The following TTC39C variants were observed in gnomAD, a reference collection of about 807,000 sequenced individuals.
TTC39C encodes the protein tetratricopeptide repeat domain 39C.
Under a neutral mutation model 76.3 loss-of-function variants are expected in TTC39C, and 33 were observed. That is an observed-to-expected ratio of 0.43 (90% CI 0.33 to 0.58). The LOEUF is 0.58. Among genes scored for constraint, TTC39C ranks in the 20% least tolerant of loss-of-function variants. The probability of loss-of-function intolerance (pLI) is 0.04; values close to 1 mark genes in which losing one functional copy is unlikely to be tolerated. For synonymous variants in TTC39C, 254 were observed against 260.6 expected (o/e 0.97, Z 0.24); for missense variants, 595 against 701.4 (o/e 0.85, Z 1.71).
intron 6 of TTC39C, among the ~76,000 whole-genome samples, chr18:24,107,449 G>A (rs1436221129): frequency 1.3e-5 from 2 of 152,176 alleles, no homozygotes; most frequent in African/African-American, 4.8e-5. Flanking sequence ...TAGTCCCCAT[G>A]TGTCATGGGA....
chr18:24,080,299 T>C (rs2084360797), intron 4 of TTC39C, among the ~76,000 whole-genome samples: 1 of 152,190 alleles, frequency 6.6e-6, no homozygotes, highest in Non-Finnish European at 1.5e-5. Flanking sequence ...ATTCATTCGA[T>C]GTATATTACA....
intron 6 of TTC39C, among the ~76,000 whole-genome samples, chr18:24,084,281 C>G (rs777342711): frequency 2.2e-4 from 33 of 151,796 alleles, no homozygotes; most frequent in Non-Finnish European, 4.0e-4. Flanking sequence ...GTCAGGAGTT[C>G]GAGACCAGCC....
At chr18:24,078,199 T>C (rs536836622) in intron 4 of TTC39C, among the ~76,000 whole-genome samples, 1 of 152,364 alleles carries the variant, frequency 6.6e-6, no homozygotes, top group South Asian at 2.1e-4. Flanking sequence ...AGGTAGACTA[T>C]AGGACATTAA....
intron 1 of TTC39C, among the ~76,000 whole-genome samples, chr18:24,058,622 T>A (rs1031273035): frequency 6.6e-6 from 1 of 152,090 alleles, no homozygotes; most frequent in Non-Finnish European, 1.5e-5. Context: ...CACTGCAGCC[T>A]GGGTGTCAGA....
Position 24,080,943 on chromosome 18 carries a change from A to AC in TTC39C, c.815+4_815+5insC. The AC allele has an allele frequency of 1.9e-6, 3 of 1,593,140 alleles. No homozygotes were observed. Among genetic ancestry groups the AC allele is most frequent in the Non-Finnish European group, 2.6e-6 (3 of 1,163,736 alleles). ...ACATGAAGGCCCCTTTAGCTACGTG[A>AC]GTAGCTGTATTGCAATGCTTTGGTA... On this transcript the variant is annotated splice_donor_region_variant and intron_variant, in intron 5 of 13. Transcript: ENST00000317571.
chr18:24,063,534 A>G (rs567563777), intron 1 of TTC39C, among the ~76,000 whole-genome samples: 19 of 127,330 alleles, frequency 1.5e-4, no homozygotes, highest in African/African-American at 4.6e-4. Context: ...TTTTTTTGAG[A>G]CAGAGTCTCA....
intron 1 of TTC39C, among the ~76,000 whole-genome samples, chr18:23,995,708 A>G (rs1406673116): frequency 1.4e-5 from 2 of 146,072 alleles, no homozygotes; most frequent in Non-Finnish European, 3.0e-5. Flanking sequence ...TCTCTGCCGG[A>G]AAAAAAAAAA....
intron 4 of TTC39C, among the ~76,000 whole-genome samples, chr18:24,072,295 C>CTTT (rs35989927): frequency 7.0e-6 from 1 of 142,028 alleles, no homozygotes; most frequent in Non-Finnish European, 1.5e-5. Flanking sequence ...ATGATTCATG[C>CTTT]TTTTTTTTTT....
chr18:24,074,330 C>T (rs550241458), intron 4 of TTC39C, among the ~76,000 whole-genome samples: 10 of 152,254 alleles, frequency 6.6e-5, no homozygotes, highest in African/African-American at 2.4e-4. Context: ...TACTAAAATC[C>T]ATTCATGCCT....
chr18:24,004,135 A>T (rs2083333990), intron 1 of TTC39C, among the ~76,000 whole-genome samples: 1 of 152,184 alleles, frequency 6.6e-6, no homozygotes, highest in Non-Finnish European at 1.5e-5. Flanking sequence ...GGCAGAAGTG[A>T]GGAACAAGGC....
intron 11 of TTC39C, among the ~76,000 whole-genome samples, chr18:24,129,386 G>C (rs968116912): frequency 1.3e-5 from 2 of 152,178 alleles, no homozygotes; most frequent in African/African-American, 2.4e-5. Flanking sequence ...TATTGATGCA[G>C]CCCTGGGGGT....
At chr18:24,071,186 C>G (rs1272894749) in intron 4 of TTC39C, among the ~76,000 whole-genome samples, 1 of 152,150 alleles carries the variant, frequency 6.6e-6, no homozygotes, top group Non-Finnish European at 1.5e-5. Flanking sequence ...CTCGGCCTCC[C>G]AAAGTGCTGG....
intron 4 of TTC39C, among the ~76,000 whole-genome samples, chr18:24,078,495 GT>G (rs1394804064): frequency 5.3e-5 from 8 of 152,160 alleles, no homozygotes; most frequent in Non-Finnish European, 1.0e-4. Context: ...CTTAGATTAT[GT>G]TTTGTAGTTC....
At chr18:24,080,524 C>T (rs1194134030) in intron 4 of TTC39C, 61 bp from the exon 5 acceptor site, 2 of 1,313,360 alleles carry the variant, frequency 1.5e-6, no homozygotes, top group Non-Finnish European at 1.0e-6. Flanking sequence ...GTATCCTTTA[C>T]TATAGAAATA....
chr18:24,025,575 C>T lies in TTC39C; in HGVS notation c.167+10537C>T, dbSNP rs547858042. Among the ~76,000 whole-genome samples the T allele has an allele frequency of 5.2e-4, 79 of 152,280 alleles. 1 individual carries two copies. The Middle Eastern group carries it at 0.01, about 20-fold the overall frequency. On this transcript the variant is annotated intron_variant, in intron 1 of 13. Transcript: ENST00000317571. ...AACAGTTTTTCATCTGTGTGAACTT[C>T]CAGAAAATGTTCAAAAGTTTTGCGG...
chr18:24,020,577 C>G (rs1452404250), intron 1 of TTC39C, among the ~76,000 whole-genome samples: 3 of 152,140 alleles, frequency 2.0e-5, no homozygotes, highest in Non-Finnish European at 2.9e-5. Context: ...TAGAAAATGG[C>G]GCAGTATTTG....
At chr18:24,054,501 C>T (rs1479788824) in intron 1 of TTC39C, among the ~76,000 whole-genome samples, 1 of 152,152 alleles carries the variant, frequency 6.6e-6, no homozygotes, top group Non-Finnish European at 1.5e-5. Context: ...CGTGACTGTT[C>T]AACTCCCCCC....
Position 24,037,176 on chromosome 18 carries a change from G to C in TTC39C, c.167+22138G>C, listed in dbSNP as rs145029507. ...ATGTTAGCTGTGGGTTTAATGTTTT[G>C]ATGAAGTTTTTAAAAAGATCATAGG... On this transcript the variant is annotated intron_variant, in intron 1 of 13. Coordinates refer to ENST00000317571, the MANE Select transcript of TTC39C (RefSeq NM_001135993.2). Among the ~76,000 whole-genome samples, 44 of 152,192 alleles carry C rather than the reference G, an allele frequency of 2.9e-4. No homozygotes were observed. In the East Asian group the frequency reaches 6.6e-3, roughly 23 times the overall value.
At chr18:24,123,985 G>T in intron 9 of TTC39C, 42 bp downstream of exon 9, 1 of 1,454,032 alleles carries the variant, frequency 6.9e-7, no homozygotes. Flanking sequence ...CTTATGATGG[G>T]CATTTGTAAC....
Sources: allele counts gnomAD v4.1 joint callset (sites outside exome capture counted in the v4.1 genomes callset), GRCh38; gene constraint gnomAD v4.1.1; transcripts MANE v1.5; gene names NCBI Gene and HGNC (gene_info 2026-07-23, HGNC 2026-07-21).